The following RSPO2 variants were observed in gnomAD, a reference collection of about 807,000 sequenced individuals.
RSPO2 encodes the protein R-spondin-2.
RSPO2 carries 14 observed loss-of-function variants against 30.9 expected under a neutral mutation model. That is an observed-to-expected ratio of 0.45 (90% CI 0.30 to 0.71). RSPO2 has a LOEUF of 0.71. Among genes scored for constraint, RSPO2 ranks in the 30% least tolerant of loss-of-function variants. RSPO2 has a pLI of 0.08. For missense variants in RSPO2, 264 were observed against 301.9 expected (o/e 0.87, Z 0.93); for synonymous variants, 107 against 96.4 (o/e 1.11, Z -0.64).
chr8:107,961,289 A>G (rs970200369), intron 3 of RSPO2, among the ~76,000 whole-genome samples: 3 of 152,086 alleles, frequency 2.0e-5, no homozygotes, highest in African/African-American at 7.3e-5. Flanking sequence ...GCACTGGTCA[A>G]TGCTAGCACC....
intron 2 of RSPO2, among the ~76,000 whole-genome samples, chr8:108,000,328 C>A (rs1052635825): frequency 5.9e-5 from 9 of 152,118 alleles, no homozygotes; most frequent in African/African-American, 1.9e-4. Context: ...TGGTTCAATA[C>A]ATTTTACCTT....
At chr8:107,963,268 C>T (rs1813690870) in intron 3 of RSPO2, among the ~76,000 whole-genome samples, 1 of 149,314 alleles carries the variant, frequency 6.7e-6, no homozygotes, top group Non-Finnish European at 1.5e-5. Flanking sequence ...GGCATGGTAG[C>T]TCACATCTGT....
intron 3 of RSPO2, among the ~76,000 whole-genome samples, chr8:107,965,435 C>T (rs1264479398): frequency 6.6e-6 from 1 of 152,152 alleles, no homozygotes; most frequent in African/African-American, 2.4e-5. Context: ...TGTAGTCCAG[C>T]TCAACAGTTC....
intron 2 of RSPO2, among the ~76,000 whole-genome samples, chr8:108,055,070 G>A (rs1008958120): frequency 6.6e-6 from 1 of 152,152 alleles, no homozygotes; most frequent in Non-Finnish European, 1.5e-5. Flanking sequence ...ACAGTGAGCT[G>A]AGATCGCACC....
chr8:107,901,304 G>GA, intron 5 of RSPO2, 114 bp from the exon 6 acceptor site: 3 of 1,164,546 alleles, frequency 2.6e-6, no homozygotes, highest in Non-Finnish European at 3.5e-6. Flanking sequence ...ATCACCTATG[G>GA]AAAAAGCCTC....
intron 2 of RSPO2, among the ~76,000 whole-genome samples, chr8:108,053,992 C>T (rs1299572162): frequency 4.6e-5 from 7 of 152,080 alleles, no homozygotes. Flanking sequence ...AATGTATTTC[C>T]TATGTATATC....
chr8:107,951,829 G>A (rs1250457844), intron 5 of RSPO2, among the ~76,000 whole-genome samples: 1 of 151,992 alleles, frequency 6.6e-6, no homozygotes, highest in Non-Finnish European at 1.5e-5. Flanking sequence ...CATCCTCCAC[G>A]TTCTGAGTGT....
intron 5 of RSPO2, among the ~76,000 whole-genome samples, chr8:107,935,089 G>A (rs896788065): frequency 5.4e-4 from 82 of 152,256 alleles, no homozygotes; most frequent in African/African-American, 1.8e-3. Flanking sequence ...GACTGCCTGC[G>A]GGGCGGGACA....
chr8:107,911,305 G>C (rs1811819037), intron 5 of RSPO2, among the ~76,000 whole-genome samples: 1 of 152,178 alleles, frequency 6.6e-6, no homozygotes, highest in Admixed American at 6.5e-5. Context: ...TGCCTGAACA[G>C]CTCTTGGATG....
At chr8:107,903,878 A>C (rs1811554090) in intron 5 of RSPO2, among the ~76,000 whole-genome samples, 1 of 152,080 alleles carries the variant, frequency 6.6e-6, no homozygotes, top group South Asian at 2.1e-4. Flanking sequence ...GACAGGCCTA[A>C]ATTAACTGAA....
chr8:107,993,281 A>G (rs1814911614), intron 2 of RSPO2, among the ~76,000 whole-genome samples: 1 of 152,188 alleles, frequency 6.6e-6, no homozygotes, highest in Non-Finnish European at 1.5e-5. Flanking sequence ...ACAGCTACAA[A>G]AGATGTAATA....
intron 2 of RSPO2, among the ~76,000 whole-genome samples, chr8:108,011,564 T>C (rs759392738): frequency 6.6e-6 from 1 of 152,250 alleles, no homozygotes; most frequent in Non-Finnish European, 1.5e-5. Flanking sequence ...TTTAAAATAA[T>C]TTTGGTACCA....
At chr8:107,970,549 G>T (rs535707669) in intron 3 of RSPO2, among the ~76,000 whole-genome samples, 11 of 152,302 alleles carry the variant, frequency 7.2e-5, no homozygotes, top group Admixed American at 3.3e-4. Flanking sequence ...ATACCATCTG[G>T]CTGTGGGCAT....
chr8:107,914,485 A>C (rs1811917568), intron 5 of RSPO2, among the ~76,000 whole-genome samples: 1 of 151,986 alleles, frequency 6.6e-6, no homozygotes, highest in Admixed American at 6.6e-5. Context: ...ATACCTTTTA[A>C]CATTTCTATT....
intron 5 of RSPO2, among the ~76,000 whole-genome samples, chr8:107,924,504 C>T (rs1394284723): frequency 2.0e-5 from 3 of 151,890 alleles, no homozygotes; most frequent in African/African-American, 7.3e-5. Context: ...CTGTTGGTTT[C>T]AACATTTTTA....
chr8:107,951,207 C>G (rs148528943), intron 5 of RSPO2, among the ~76,000 whole-genome samples: 1 of 152,062 alleles, frequency 6.6e-6, no homozygotes, highest in East Asian at 1.9e-4. Flanking sequence ...AGGCATGTAC[C>G]ACCACACCCA....
At chr8:108,057,442 A>AT (rs1380204906) in intron 2 of RSPO2, among the ~76,000 whole-genome samples, 1 of 152,234 alleles carries the variant, frequency 6.6e-6, no homozygotes, top group African/African-American at 2.4e-5. Context: ...GCTTATATTC[A>AT]TTTTTAAAGA....
At chr8:108,009,617 A>G (rs1429045625) in intron 2 of RSPO2, among the ~76,000 whole-genome samples, 4 of 152,226 alleles carry the variant, frequency 2.6e-5, no homozygotes, top group Non-Finnish European at 5.9e-5. Flanking sequence ...CTTCATTCAA[A>G]TGCTCAAGTG....
intron 2 of RSPO2, among the ~76,000 whole-genome samples, chr8:108,078,626 G>T (rs1453623110): frequency 6.6e-6 from 1 of 152,076 alleles, no homozygotes. Flanking sequence ...GCTTTCTCTG[G>T]CCTCAGTTAC....
Sources: gnomAD v4.1 joint callset for allele counts (sites outside exome capture counted in the v4.1 genomes callset) on GRCh38, gnomAD v4.1.1 for gene constraint, MANE v1.5 for transcripts, NCBI Gene and HGNC (gene_info 2026-07-23, HGNC 2026-07-21) for gene names.